Variants in MRPL19 observed in about 807,000 individuals in gnomAD.
The protein encoded by MRPL19 is large ribosomal subunit protein bL19m.
Under a neutral mutation model 34.0 loss-of-function variants are expected in MRPL19, and 31 were observed. The ratio of observed to expected loss-of-function variants is 0.91; its 90% confidence interval spans 0.68 to 1.23. The LOEUF is 1.23. Ranked by LOEUF, MRPL19 falls within the 50% of genes most tolerant of loss-of-function variation. The pLI is 0.00. For missense variants in MRPL19, 384 were observed against 367.6 expected (o/e 1.04, Z -0.37); for synonymous variants, 152 against 127.7 (o/e 1.19, Z -1.28).
chr2:75,652,489 G>C, intron 3 of MRPL19, 34 bp from the exon 4 acceptor site: 1 of 1,600,402 alleles, frequency 6.2e-7, no homozygotes, highest in South Asian at 1.1e-5. Context: ...TGGGTGTGCT[G>C]AAAAAAAAGT....
chr2:75,646,888 C>G lies in MRPL19; in HGVS notation c.81C>G (p.Pro27=), dbSNP rs762667318. Residue 27 remains proline, a synonymous_variant, in exon 1 of 6, where the codon CCC becomes CCG. Transcript: ENST00000393909. The part of the protein sequence containing the change: ...RSFQAARTLL[P]PPASIACRVH... ...TCCAAGCCGCCAGGACTCTGCTCCC[C>G]CCGCCGGCCTCTATCGCCTGCAGTA... 7 of 1,594,740 alleles carry G rather than the reference C, an allele frequency of 4.4e-6. No homozygotes were observed. The highest frequency in any genetic ancestry group is 2.3e-5 in the East Asian group (1 of 44,170).
At position 75,658,318 on chromosome 2, in the gene MRPL19, T is replaced by C. The variant is rs1678510671; in HGVS notation, c.*3033T>C. ...TCAAGCAGTCCTTAAGATTCATCCA[T>C]GTTGTGGCATGTGTCAGAATTTCAT... On this transcript the variant is annotated 3_prime_UTR_variant, in exon 6 of 6. Transcript: ENST00000393909. 6.6e-6 allele frequency among the ~76,000 whole-genome samples: 1 copy of C among 152,168 alleles called. No individual in the cohort carries two copies. The highest frequency in any genetic ancestry group is 6.5e-5 in the Admixed American group (1 of 15,270).
In MRPL19 at chr2:75,656,807, A is replaced by T. The variant is rs1376121870; in HGVS notation, c.*1522A>T. The stretch of plus-strand genomic sequence containing the variant: ...GTAACTCATTTCTGTCAGTTCTGGG[A>T]AACACTTAGCATTGGTTGATGATTT... On this transcript the variant is annotated 3_prime_UTR_variant, in exon 6 of 6. Transcript: ENST00000393909. 6.6e-6 allele frequency: 1 copy of T among 152,092 alleles called. No individual in the cohort carries two copies. The highest frequency in any genetic ancestry group is 1.5e-5 in the Non-Finnish European group (1 of 68,026). 9.4% of individuals were successfully genotyped at this position (152,092 alleles called of 1,614,324 possible). A position where few individuals can be genotyped will look rare whatever the true frequency, so the allele number is the denominator to read the frequency against.
chr2:75,652,206 A>G lies in MRPL19; in HGVS notation c.286A>G (p.Arg96Gly). The change falls in exon 3 of 6, where the codon AGA (arginine) becomes GGA (glycine). Residue 96 changes from arginine (R) to glycine (G), a missense_variant. Physicochemically the swap from Arg to Gly is moderately radical, Grantham distance 125 (BLOSUM62 -2). Coordinates refer to ENST00000393909, the MANE Select transcript of MRPL19 (RefSeq NM_014763.4). The part of the protein sequence containing the change: ...RTDPLKFQIE[R>G]KDMLERRKVL... ...AGATCCTCTGAAATTTCAAATAGAA[A>G]GAAAAGATATGTTAGAAAGGAGAAA... The G allele has an allele frequency of 6.2e-7, 1 of 1,607,896 alleles. No individual in the cohort carries two copies. Among genetic ancestry groups the G allele is most frequent in the Non-Finnish European group, 8.5e-7 (1 of 1,176,488 alleles).
In MRPL19 at chr2:75,658,777, A is replaced by AT. The variant is rs1285770052; in HGVS notation, c.*3494dup. On this transcript the variant is annotated 3_prime_UTR_variant, in exon 6 of 6. Coordinates refer to ENST00000393909, the MANE Select transcript of MRPL19 (RefSeq NM_014763.4). ...ACTTGAGCAAAATATTTATCATGCT[A>AT]TTGTTGACTGTAGTTTTCTATATGT... Among the ~76,000 whole-genome samples, 5 of 152,078 alleles carry AT rather than the reference A, an allele frequency of 3.3e-5. No homozygotes were observed. The highest frequency in any genetic ancestry group is 7.4e-5 in the Non-Finnish European group (5 of 67,974).
At chr2:75,651,481 T>C (rs1678331493) in intron 2 of MRPL19, 1 of 527,168 alleles carries the variant, frequency 1.9e-6, no homozygotes, top group African/African-American at 1.9e-5. Context: ...AGTGCAGTCA[T>C]ATACCATCTC....
At position 75,647,134 on chromosome 2, in the gene MRPL19, A is replaced by G; in HGVS notation, c.136A>G (p.Thr46Ala). The G allele has an allele frequency of 6.3e-7, 1 of 1,583,948 alleles. No individual in the cohort carries two copies. The highest frequency in any genetic ancestry group is 8.6e-7 in the Non-Finnish European group (1 of 1,164,388). Residue 46 changes from threonine to alanine, a missense_variant, in exon 2 of 6, where the codon ACT becomes GCT. Thr to Ala is a moderately conservative substitution (Grantham distance 58). Coordinates refer to ENST00000393909, the MANE Select transcript of MRPL19 (RefSeq NM_014763.4). ...VHAGPVRQQS[T>A]GPSEPGAFQP... ...CGCGGGGCCTGTCCGGCAGCAGAGC[A>G]CTGGGCCTTCCGAGCCCGGTGCGTT...
At chr2:75,651,826 G>A (rs1177219419) in intron 2 of MRPL19, among the ~76,000 whole-genome samples, 2 of 152,148 alleles carry the variant, frequency 1.3e-5, no homozygotes, top group East Asian at 1.9e-4. Context: ...GTAGCAATGG[G>A]TTAGTTATTT....
chr2:75,647,018 A>T (rs1678236842), intron 1 of MRPL19, 84 bp from the exon 2 acceptor site: 1 of 1,485,518 alleles, frequency 6.7e-7, no homozygotes, highest in African/African-American at 1.4e-5. Context: ...CCCCCGTGGG[A>T]CGCCGGGTTG....
chr2:75,661,435 T>A lies in MRPL19; in HGVS notation c.*6150T>A, dbSNP rs1190876166. 1 of 152,108 alleles carries A rather than the reference T, an allele frequency of 6.6e-6. No individual in the cohort carries two copies. The highest frequency in any genetic ancestry group is 1.5e-5 in the Non-Finnish European group (1 of 68,126). 9.4% of individuals were successfully genotyped at this position (152,108 alleles called of 1,614,324 possible). ...TTTCAGCTTCCCAAAGTGCTGCAATTACACGCGTGAACCACCACACCCAGC... is the reference window on the plus strand; with the variant it reads ...TTTCAGCTTCCCAAAGTGCTGCAATAACACGCGTGAACCACCACACCCAGC... On this transcript the variant is annotated 3_prime_UTR_variant, in exon 6 of 6. Transcript: ENST00000393909.
In MRPL19 at chr2:75,654,868, A is replaced by G. The variant is rs1239552760; in HGVS notation, c.608A>G (p.Asn203Ser). ...CCTGAATATAGCACTTTTGATGTGAATATGAAGCCAGTAGTACAAGAGCCT... is the reference window on the plus strand; with the variant it reads ...CCTGAATATAGCACTTTTGATGTGAGTATGAAGCCAGTAGTACAAGAGCCT... ...ALPEYSTFDVNMKPVVQEPNQ... is the reference protein window; with the variant it reads ...ALPEYSTFDVSMKPVVQEPNQ... Residue 203 changes from asparagine (N) to serine (S), a missense_variant, in exon 5 of 6, where the codon AAT becomes AGT. Physicochemically the swap from Asn to Ser is conservative, Grantham distance 46. Coordinates refer to ENST00000393909, the MANE Select transcript of MRPL19 (RefSeq NM_014763.4). The G allele has an allele frequency of 6.2e-7, 1 of 1,613,720 alleles. No individual in the cohort carries two copies. The highest frequency in any genetic ancestry group is 8.5e-7 in the Non-Finnish European group (1 of 1,179,884).
In MRPL19 at chr2:75,659,942, T is replaced by G. The variant is rs1268920236; in HGVS notation, c.*4657T>G. On this transcript the variant is annotated 3_prime_UTR_variant, in exon 6 of 6. Transcript: ENST00000393909. ...AATTTTGGACATATTTGGCTATTAT[T>G]TCTTCAATTTTTTTCACTGCTTCTT... 6.6e-6 allele frequency among the ~76,000 whole-genome samples: 1 copy of G among 152,290 alleles called. No homozygotes were observed. Among genetic ancestry groups the G allele is most frequent in the East Asian group, 1.9e-4 (1 of 5,196 alleles).
intron 2 of MRPL19, among the ~76,000 whole-genome samples, chr2:75,647,916 C>G (rs929099995): frequency 7.9e-5 from 12 of 152,018 alleles, no homozygotes; most frequent in Non-Finnish European, 1.5e-5. Flanking sequence ...TAGACAGAGT[C>G]TCTCTCAGTC....
In MRPL19 at chr2:75,659,573, C is replaced by T. The variant is rs1331115533; in HGVS notation, c.*4288C>T. 6.6e-6 allele frequency among the ~76,000 whole-genome samples: 1 copy of T among 152,142 alleles called. No homozygotes were observed. The highest frequency in any genetic ancestry group is 2.4e-5 in the African/African-American group (1 of 41,454). On this transcript the variant is annotated 3_prime_UTR_variant, in exon 6 of 6. Coordinates refer to ENST00000393909, the MANE Select transcript of MRPL19 (RefSeq NM_014763.4). Reference sequence around the variant, plus strand: ...AGGGCAAGTCTAATTGTAATAAACTCCCTCAGCTTTTGTTTTATCTGAGAA... The same window carrying T: ...AGGGCAAGTCTAATTGTAATAAACTTCCTCAGCTTTTGTTTTATCTGAGAA...
chr2:75,655,129 A>T lies in MRPL19; in HGVS notation c.723A>T (p.Lys241Asn). Residue 241 changes from lysine to asparagine, a missense_variant, in exon 6 of 6, where the codon AAA becomes AAT. Physicochemically the swap from Lys to Asn is moderately conservative, Grantham distance 94 (BLOSUM62 0). Coordinates refer to ENST00000393909, the MANE Select transcript of MRPL19 (RefSeq NM_014763.4). The stretch of plus-strand genomic sequence containing the variant: ...GGGAACGTCCAAATTTTAATATTAA[A>T]GGAATCAGATTTGATCTTTGTTTAA... The part of the protein sequence containing the change: ...KRWERPNFNI[K>N]GIRFDLCLTE... 1 of 1,612,872 alleles carries T rather than the reference A, an allele frequency of 6.2e-7. No homozygotes were observed. Among genetic ancestry groups the T allele is most frequent in the Non-Finnish European group, 8.5e-7 (1 of 1,179,600 alleles).
At position 75,656,283 on chromosome 2, in the gene MRPL19, A is replaced by G. The variant is rs1449606394; in HGVS notation, c.*998A>G. ...GTATAAGCACACATGCTAAAGAAAA[A>G]CATGTAATTTGGTCCATACTCACCT... On this transcript the variant is annotated 3_prime_UTR_variant, in exon 6 of 6. Transcript: ENST00000393909. The G allele has an allele frequency of 1.3e-5, 2 of 152,152 alleles. No individual in the cohort carries two copies. Among genetic ancestry groups the G allele is most frequent in the Admixed American group, 1.3e-4 (2 of 15,264 alleles). 9.4% of individuals were successfully genotyped at this position (152,152 alleles called of 1,614,324 possible). A position where few individuals can be genotyped will look rare whatever the true frequency, so the allele number is the denominator to read the frequency against.
At chr2:75,650,963 C>G (rs532839172) in intron 2 of MRPL19, among the ~76,000 whole-genome samples, 1 of 152,216 alleles carries the variant, frequency 6.6e-6, no homozygotes. Context: ...GTACAGAAGG[C>G]TCAGAGACAG....
intron 2 of MRPL19, among the ~76,000 whole-genome samples, chr2:75,648,598 G>C (rs1307889273): frequency 1.3e-5 from 2 of 151,980 alleles, no homozygotes; most frequent in African/African-American, 4.8e-5. Flanking sequence ...GGTGGCTCAC[G>C]ACTGTTATCC....
rs1678488041 is a variant in MRPL19 at position 75,657,567 on chromosome 2, C to A, written c.*2282C>A. On this transcript the variant is annotated 3_prime_UTR_variant, in exon 6 of 6. Coordinates refer to ENST00000393909, the MANE Select transcript of MRPL19 (RefSeq NM_014763.4). ...TCTCAAAATAAAAGGTTAACAAGAG[C>A]CTATATCTTATATTTTTCTTCTCTT... The A allele has an allele frequency of 6.6e-6, 1 of 152,076 alleles. No homozygotes were observed. The highest frequency in any genetic ancestry group is 1.9e-4 in the East Asian group (1 of 5,196). 9.4% of individuals were successfully genotyped at this position (152,076 alleles called of 1,614,324 possible).
Sources: allele counts gnomAD v4.1 joint callset (sites outside exome capture counted in the v4.1 genomes callset), GRCh38; gene constraint gnomAD v4.1.1; transcripts MANE v1.5; gene names NCBI Gene and HGNC (gene_info 2026-07-23, HGNC 2026-07-21).